The following ARMH1 variants were observed in gnomAD, a reference collection of about 807,000 sequenced individuals.
ARMH1 encodes armadillo-like helical domain containing protein 1.
In ARMH1, 34 loss-of-function variants were observed where a neutral mutation model predicts 50.2. The observed-to-expected ratio is 0.68, with a 90% CI of 0.51 to 0.90. ARMH1 has a LOEUF of 0.90. Ranked by LOEUF, ARMH1 falls within the 40% of genes least tolerant of loss-of-function variation. ARMH1 has a pLI of 0.00. For missense variants in ARMH1, 538 were observed against 553.9 expected, an observed-to-expected ratio of 0.97 and a Z score of 0.29; for synonymous variants, 221 against 224.2, an observed-to-expected ratio of 0.99 and a Z score of 0.13.
chr1:44,706,082 A>T (rs1437644331), intron 6 of ARMH1, among the ~76,000 whole-genome samples: 1 of 152,206 alleles, frequency 6.6e-6, no homozygotes, highest in Non-Finnish European at 1.5e-5. Flanking sequence ...CAGTCTCTCC[A>T]GTATGCAGCA....
intron 1 of ARMH1, among the ~76,000 whole-genome samples, chr1:44,686,958 A>G (rs932196311): frequency 6.6e-5 from 10 of 152,130 alleles, no homozygotes; most frequent in African/African-American, 1.9e-4. Flanking sequence ...TTTCAGAAAA[A>G]AAAAAAAAAA....
At chr1:44,686,488 C>T (rs1272482220) in intron 1 of ARMH1, among the ~76,000 whole-genome samples, 1 of 152,076 alleles carries the variant, frequency 6.6e-6, no homozygotes, top group Non-Finnish European at 1.5e-5. Flanking sequence ...CAAGCCTGGC[C>T]AGCACAGCAA....
intron 1 of ARMH1, among the ~76,000 whole-genome samples, chr1:44,687,603 C>A (rs1347451203): frequency 6.6e-6 from 1 of 152,100 alleles, no homozygotes; most frequent in East Asian, 1.9e-4. Context: ...CGGAGCTGAG[C>A]CTTGAACCCA....
chr1:44,686,273 A>C (rs1385799333), intron 1 of ARMH1, among the ~76,000 whole-genome samples: 1 of 152,254 alleles, frequency 6.6e-6, no homozygotes, highest in Non-Finnish European at 1.5e-5. Flanking sequence ...TTGGTACTTC[A>C]AACCAAACAA....
chr1:44,725,341 C>T lies in ARMH1; in HGVS notation c.1261C>T (p.Arg421Cys). 1 of 1,551,732 alleles carries T rather than the reference C, an allele frequency of 6.4e-7. No individual in the cohort carries two copies. Among genetic ancestry groups the T allele is most frequent in the Non-Finnish European group, 8.7e-7 (1 of 1,147,008 alleles). ...SYSMNTLYGS[R>C]DSAQMAYLTH... Reference sequence around the variant, plus strand: ...CAGCATGAACACTCTCTATGGCTCGCGCGATTCGGCTCAGATGGCCTACCT... The same window carrying T: ...CAGCATGAACACTCTCTATGGCTCGTGCGATTCGGCTCAGATGGCCTACCT... Residue 421 changes from arginine (R) to cysteine (C), a missense_variant, in exon 12 of 12, where the codon CGC becomes TGC. Transcript: ENST00000535358.
chr1:44,705,174 C>T (rs1299969455), intron 6 of ARMH1, among the ~76,000 whole-genome samples: 1 of 151,588 alleles, frequency 6.6e-6, no homozygotes, highest in Non-Finnish European at 1.5e-5. Flanking sequence ...ACTTTCCATA[C>T]ATCACCTCAT....
Position 44,685,525 on chromosome 1 carries a change from G to A in ARMH1, c.-22-4151G>A, listed in dbSNP as rs188192173. Among the ~76,000 whole-genome samples, 39 of 152,134 alleles carry A rather than the reference G, an allele frequency of 2.6e-4. No homozygotes were observed. In the East Asian group the frequency reaches 7.3e-3, roughly 29 times the overall value. ...GAGGTCTCACTGTGTTGCCCAGGCT[G>A]GTCTCAAACTCCTGGGCTCAAGTGA... is the stretch of plus-strand genomic sequence containing the variant. On this transcript the variant is annotated intron_variant, in intron 1 of 11. Coordinates refer to ENST00000535358, the MANE Select transcript of ARMH1 (RefSeq NM_001145636.2).
At chr1:44,686,397 C>T (rs1057160696) in intron 1 of ARMH1, among the ~76,000 whole-genome samples, 12 of 152,184 alleles carry the variant, frequency 7.9e-5, no homozygotes, top group Non-Finnish European at 1.3e-4. Flanking sequence ...GTTAACCTGC[C>T]GGGCACAGTG....
At chr1:44,697,514 A>G (rs1252065905) in intron 3 of ARMH1, among the ~76,000 whole-genome samples, 4 of 152,114 alleles carry the variant, frequency 2.6e-5, no homozygotes, top group African/African-American at 9.7e-5. Context: ...GGGCTCAAAC[A>G]ATGTCATCAG....
Position 44,701,214 on chromosome 1 carries a change from G to A in ARMH1, c.639+95G>A, listed in dbSNP as rs933568614. ...TGCTCTCCACACAGGCATGAGAAAC[G>A]GAGCTCAGCCTCCCACTGCATGTCT... On this transcript the variant is annotated intron_variant, in intron 5 of 11. Coordinates refer to ENST00000535358, the MANE Select transcript of ARMH1 (RefSeq NM_001145636.2). The A allele has an allele frequency of 1.6e-5, 20 of 1,238,330 alleles. No individual in the cohort carries two copies. The South Asian group carries it at 2.1e-4, about 13-fold the overall frequency. The allele number at this position is 1,238,330 out of a possible 1,614,324, so 76.7% of individuals were successfully genotyped here. A position where few individuals can be genotyped will look rare whatever the true frequency, so the allele number is the denominator to read the frequency against.
At chr1:44,710,608 CAAAA>C (rs56731047) in intron 6 of ARMH1, among the ~76,000 whole-genome samples, 10 of 92,890 alleles carry the variant, frequency 1.1e-4, no homozygotes, top group Admixed American at 2.4e-4. Flanking sequence ...GACTCCGTCT[CAAAA>C]AAAAAAAAAA....
At position 44,725,122 on chromosome 1, in the gene ARMH1, G is replaced by C; in HGVS notation, c.1129-14G>C. ...CTGGCACCCCAGCCGGGTCCCCCTT[G>C]CTCCTGTCCTCAGAGCAACGCTGAG... On this transcript the variant is annotated splice_polypyrimidine_tract_variant and intron_variant, in intron 10 of 11. Transcript: ENST00000535358. 5 of 1,551,800 alleles carry C rather than the reference G, an allele frequency of 3.2e-6. No homozygotes were observed. The highest frequency in any genetic ancestry group is 2.6e-6 in the Non-Finnish European group (3 of 1,146,998).
chr1:44,688,866 A>T lies in ARMH1; in HGVS notation c.-22-810A>T, dbSNP rs116604886. On this transcript the variant is annotated intron_variant, in intron 1 of 11. Transcript: ENST00000535358. ...ATTAATCCAACTATGGAATGGGAAC[A>T]TTTTCTTCCCACTAACTTTTTTTTA... Among the ~76,000 whole-genome samples the T allele has an allele frequency of 8.8e-3, 1,339 of 152,252 alleles. 19 individuals carry two copies. The highest frequency in any genetic ancestry group is 0.03 in the African/African-American group (1,245 of 41,542).
At chr1:44,704,025 C>T (rs1368132390) in intron 5 of ARMH1, 64 bp from the exon 6 acceptor site, 40 of 1,394,278 alleles carry the variant, frequency 2.9e-5, no homozygotes, top group South Asian at 1.7e-4. Flanking sequence ...CGCACCCGGC[C>T]GGGAATCCAT....
rs554111946 is a variant in ARMH1 at position 44,724,093 on chromosome 1, C to T, written c.725-29C>T. On this transcript the variant is annotated intron_variant, in intron 6 of 11. Transcript: ENST00000535358. This position sits in a 1 kb window ranked among gnomAD's most constrained non-coding sequence, Gnocchi z 6.4. ...CCTCGGTGGCGGAGGGGCCTGGGGC[C>T]TCTCTCCAGCACCTCTGCCCTTCCG... The T allele has an allele frequency of 6.5e-7, 1 of 1,545,262 alleles. No homozygotes were observed. Among genetic ancestry groups the T allele is most frequent in the East Asian group, 2.5e-5 (1 of 40,812 alleles).
chr1:44,724,403 A>C lies in ARMH1; in HGVS notation c.920+11A>C, dbSNP rs1180963465. ...CGCCAAGGCCATCGGGTAAGCGGGC[A>C]GGGGTTAGTGGGTAGCTGCAGCAAG... On this transcript the variant is annotated intron_variant, in intron 8 of 11. Coordinates refer to ENST00000535358, the MANE Select transcript of ARMH1 (RefSeq NM_001145636.2). The surrounding 1 kb of genome is among the most constrained non-coding windows in gnomAD (Gnocchi z 6.4). 9 of 1,548,510 alleles carry C rather than the reference A, an allele frequency of 5.8e-6. No individual in the cohort carries two copies. Among genetic ancestry groups the C allele is most frequent in the Non-Finnish European group, 7.0e-6 (8 of 1,146,742 alleles).
chr1:44,678,289 TG>T (rs1485758891), intron 1 of ARMH1, among the ~76,000 whole-genome samples: 1 of 148,106 alleles, frequency 6.8e-6, no homozygotes, highest in African/African-American at 2.5e-5. Flanking sequence ...GTGGGGGCTG[TG>T]GGTAGGAATG....
chr1:44,709,708 G>A (rs941200038), intron 6 of ARMH1, among the ~76,000 whole-genome samples: 45 of 150,820 alleles, frequency 3.0e-4, no homozygotes, highest in African/African-American at 7.1e-4. Flanking sequence ...ATGGTGGCGC[G>A]CACCTGTAGT....
At chr1:44,711,382 T>C (rs1313017175) in intron 6 of ARMH1, among the ~76,000 whole-genome samples, 1 of 152,224 alleles carries the variant, frequency 6.6e-6, no homozygotes, top group Non-Finnish European at 1.5e-5. Flanking sequence ...TCTTTAATTA[T>C]AGCCATCTTA....
Sources: allele counts gnomAD v4.1 joint callset (sites outside exome capture counted in the v4.1 genomes callset), GRCh38; gene constraint gnomAD v4.1.1; non-coding constraint Gnocchi (gnomAD v3.1); transcripts MANE v1.5; gene names NCBI Gene and HGNC (gene_info 2026-07-23, HGNC 2026-07-21).